Variants in ARHGEF28 observed in about 807,000 individuals in gnomAD.
ARHGEF28 encodes the protein 190 kDa guanine nucleotide exchange factor.
A neutral mutation model predicts 206.6 loss-of-function variants in ARHGEF28; 152 were observed. The ratio of observed to expected loss-of-function variants is 0.74; its 90% confidence interval spans 0.64 to 0.84. The LOEUF (loss-of-function observed/expected upper bound fraction) is 0.84. Ranked by LOEUF, ARHGEF28 falls within the 40% of genes least tolerant of loss-of-function variation. The pLI is 0.00. For synonymous variants in ARHGEF28, 763 were observed against 776.4 expected, an observed-to-expected ratio of 0.98 and a Z score of 0.29; for missense variants, 2,028 against 2,073.2, an observed-to-expected ratio of 0.98 and a Z score of 0.42.
At chr5:73,916,258 A>G (rs1235461900) in intron 35 of ARHGEF28, among the ~76,000 whole-genome samples, 1 of 152,194 alleles carries the variant, frequency 6.6e-6, no homozygotes, top group Non-Finnish European at 1.5e-5. Flanking sequence ...TGTAATCTAT[A>G]TGGAAAGAAG....
At chr5:73,709,875 C>G (rs544534993) in intron 2 of ARHGEF28, among the ~76,000 whole-genome samples, 1 of 152,296 alleles carries the variant, frequency 6.6e-6, no homozygotes, top group Non-Finnish European at 1.5e-5. Context: ...AATGCATTTC[C>G]GATTTGTTCC....
intron 1 of ARHGEF28, among the ~76,000 whole-genome samples, chr5:73,655,413 A>G (rs900775319): frequency 2.6e-5 from 4 of 152,230 alleles, no homozygotes; most frequent in Non-Finnish European, 5.9e-5. Flanking sequence ...ACTGTACTTC[A>G]CAGAGACCTT....
chr5:73,873,094 A>AGCACC lies in ARHGEF28; in HGVS notation c.2664_2668dup (p.Val890AlafsTer10). On this transcript the variant is annotated frameshift_variant, in exon 22 of 36. Coordinates refer to ENST00000513042, the MANE Select transcript of ARHGEF28 (RefSeq NM_001177693.2). LOFTEE classifies it high-confidence loss of function. ...GAAAGAGGAGCTGCAGCTGGACCAC[A>AGCACC]GCACCGTGGATAAAATTTTCCCCTG... is the stretch of plus-strand genomic sequence containing the variant. 6.2e-7 allele frequency: 1 copy of AGCACC among 1,613,432 alleles called. No individual in the cohort carries two copies. The highest frequency in any genetic ancestry group is 8.5e-7 in the Non-Finnish European group (1 of 1,179,656).
intron 9 of ARHGEF28, among the ~76,000 whole-genome samples, chr5:73,822,888 A>G (rs1263058444): frequency 2.0e-5 from 3 of 152,224 alleles, no homozygotes; most frequent in Admixed American, 6.5e-5. Flanking sequence ...TGGCCTCCCA[A>G]AGTGCTGGGA....
chr5:73,795,287 T>C (rs1754734817), intron 8 of ARHGEF28, 44 bp from the exon 9 acceptor site: 1 of 1,558,508 alleles, frequency 6.4e-7, no homozygotes, highest in Non-Finnish European at 8.8e-7. Context: ...TAGTGTAGCA[T>C]ATATGTAATT....
intron 1 of ARHGEF28, among the ~76,000 whole-genome samples, chr5:73,631,196 TG>T (rs542921845): frequency 3.2e-4 from 49 of 152,324 alleles, no homozygotes; most frequent in Non-Finnish European, 6.6e-4. Flanking sequence ...AGAAGTCTCA[TG>T]AAGGACTTTT....
At chr5:73,628,275 A>G (rs756055986) in intron 1 of ARHGEF28, among the ~76,000 whole-genome samples, 4 of 152,286 alleles carry the variant, frequency 2.6e-5, no homozygotes, top group Admixed American at 2.0e-4. Flanking sequence ...AGGTATTAAA[A>G]CAAATTGCAG....
chr5:73,930,493 G>A (rs283630), intron 35 of ARHGEF28, among the ~76,000 whole-genome samples: 70,931 of 151,974 alleles, frequency 0.47, 17,589 homozygotes, highest in African/African-American at 0.64. Context: ...ATTCTTTTGG[G>A]ATAGCTTTAA....
chr5:73,892,475 C>T (rs1761704063), intron 27 of ARHGEF28, among the ~76,000 whole-genome samples: 1 of 152,234 alleles, frequency 6.6e-6, no homozygotes, highest in African/African-American at 2.4e-5. Context: ...GGCCTCCCCT[C>T]CTCCATGAGG....
At chr5:73,770,716 C>A (rs1198106021) in intron 4 of ARHGEF28, among the ~76,000 whole-genome samples, 1 of 152,242 alleles carries the variant, frequency 6.6e-6, no homozygotes, top group Non-Finnish European at 1.5e-5. Flanking sequence ...AACTTTCATA[C>A]TGAATGAGAA....
rs150666661 is a variant in ARHGEF28, at chr5:73,797,119, G to T, written c.1024+1728G>T. Among the ~76,000 whole-genome samples the T allele has an allele frequency of 2.3e-3, 346 of 152,316 alleles. 3 individuals are homozygous for T. Among genetic ancestry groups the T allele is most frequent in the Non-Finnish European group, 3.8e-3 (261 of 68,026 alleles). ...CAGTAACATCATTAAGTCTGTGAAGGATTTGAGAAAGATAAATGAGCACAA... is the reference window on the plus strand; with the variant it reads ...CAGTAACATCATTAAGTCTGTGAAGTATTTGAGAAAGATAAATGAGCACAA... On this transcript the variant is annotated intron_variant, in intron 9 of 35. Transcript: ENST00000513042.
chr5:73,864,738 T>A, intron 16 of ARHGEF28, 79 bp from the exon 17 acceptor site: 2 of 1,243,854 alleles, frequency 1.6e-6, no homozygotes, highest in South Asian at 1.4e-5. Flanking sequence ...TAATGACCAG[T>A]GAAAGCATGA....
chr5:73,917,037 T>C (rs1278167184), intron 35 of ARHGEF28, among the ~76,000 whole-genome samples: 2 of 152,226 alleles, frequency 1.3e-5, no homozygotes, highest in African/African-American at 4.8e-5. Context: ...TTAGTGAAAC[T>C]AGAGCAGAAA....
intron 24 of ARHGEF28, among the ~76,000 whole-genome samples, chr5:73,884,783 T>TCTGGAGTTTAAGGAG (rs59626584): frequency 3.3e-5 from 5 of 151,972 alleles, no homozygotes; most frequent in Non-Finnish European, 7.4e-5. Context: ...CAAATATCAA[T>TCTGGAGTTTAAGGAG]GCTGCTCCAG....
chr5:73,846,169 C>T (rs78289077), intron 11 of ARHGEF28, 99 bp from the exon 12 acceptor site: 61 of 1,109,998 alleles, frequency 5.5e-5, no homozygotes, highest in Middle Eastern at 2.9e-4. Context: ...TTGCACCCCC[C>T]CCGCCCCAGT....
intron 1 of ARHGEF28, among the ~76,000 whole-genome samples, chr5:73,657,363 T>C (rs1334028657): frequency 6.6e-6 from 1 of 152,224 alleles, no homozygotes; most frequent in African/African-American, 2.4e-5. Context: ...CCAGTGAAAT[T>C]TCATACACGA....
At chr5:73,704,977 G>A (rs566981895) in intron 2 of ARHGEF28, among the ~76,000 whole-genome samples, 2 of 152,278 alleles carry the variant, frequency 1.3e-5, no homozygotes, top group East Asian at 1.9e-4. Flanking sequence ...AGACAGGACC[G>A]GAAGGGGACA....
intron 4 of ARHGEF28, among the ~76,000 whole-genome samples, chr5:73,758,109 C>A (rs532841884): frequency 1.3e-5 from 2 of 152,236 alleles, no homozygotes; most frequent in South Asian, 4.2e-4. Context: ...AGCTTGCCAA[C>A]ACCAGTGAGG....
At chr5:73,927,598 A>G (rs45341) in intron 35 of ARHGEF28, among the ~76,000 whole-genome samples, 24,949 of 152,066 alleles carry the variant, frequency 0.16, 2,254 homozygotes, top group Middle Eastern at 0.24. Context: ...GGTTCAAGTG[A>G]TCCCCCTGCC....
Sources: allele counts gnomAD v4.1 joint callset (sites outside exome capture counted in the v4.1 genomes callset), GRCh38; gene constraint gnomAD v4.1.1; transcripts MANE v1.5; gene names NCBI Gene and HGNC (gene_info 2026-07-23, HGNC 2026-07-21).